TBX20: variants seen among roughly 807,000 people sequenced by gnomAD.
The protein encoded by TBX20 is T-box transcription factor TBX20.
TBX20 carries 8 observed loss-of-function variants against 42.9 expected under a neutral mutation model. That is an observed-to-expected ratio of 0.19 (90% confidence interval 0.11 to 0.34). The LOEUF (loss-of-function observed/expected upper bound fraction) is 0.34. Among genes scored for constraint, TBX20 ranks in the 10% least tolerant of loss-of-function variants. The pLI is 1.00. For synonymous variants in TBX20, 198 were observed against 222.8 expected, an observed-to-expected ratio of 0.89 and a Z score of 0.99; for missense variants, 411 against 566.0, an observed-to-expected ratio of 0.73 and a Z score of 2.78.
At chr7:35,245,168 AT>A in intron 3 of TBX20, 111 bp from the exon 4 acceptor site, 3 of 786,020 alleles carry the variant, frequency 3.8e-6, no homozygotes, top group Non-Finnish European at 4.3e-6. Flanking sequence ...TAAGTGGGAA[AT>A]TTTATTGCCC....
intron 6 of TBX20, among the ~76,000 whole-genome samples, chr7:35,225,786 A>T (rs1789759896): frequency 6.6e-6 from 1 of 152,244 alleles, no homozygotes; most frequent in Non-Finnish European, 1.5e-5. Flanking sequence ...AGAAGACCTG[A>T]CAAAAAGATT....
intron 6 of TBX20, among the ~76,000 whole-genome samples, chr7:35,212,396 G>T (rs1216123748): frequency 6.6e-6 from 1 of 152,156 alleles, no homozygotes; most frequent in Non-Finnish European, 1.5e-5. Flanking sequence ...AGTTTCAACT[G>T]ATTATCTCTT....
intron 4 of TBX20, among the ~76,000 whole-genome samples, chr7:35,243,273 C>A (rs1307809895): frequency 1.3e-5 from 2 of 152,192 alleles, no homozygotes; most frequent in East Asian, 1.9e-4. Context: ...GTGTGAGCCA[C>A]CGTGCCTGGC....
chr7:35,210,605 G>C (rs1207487403), intron 6 of TBX20, among the ~76,000 whole-genome samples: 1 of 151,968 alleles, frequency 6.6e-6, no homozygotes, highest in Non-Finnish European at 1.5e-5. Context: ...AAAGATGTAG[G>C]ACTGTATATT....
At chr7:35,232,292 T>C (rs1789881075) in intron 5 of TBX20, among the ~76,000 whole-genome samples, 1 of 152,230 alleles carries the variant, frequency 6.6e-6, no homozygotes, top group Non-Finnish European at 1.5e-5. Flanking sequence ...ATGTCCATGC[T>C]GTGGTATTCA....
chr7:35,215,174 G>A (rs1047440899), intron 6 of TBX20, among the ~76,000 whole-genome samples: 3 of 152,130 alleles, frequency 2.0e-5, no homozygotes, highest in Admixed American at 6.6e-5. Context: ...CATTACTTAC[G>A]CTAGTCTCTA....
chr7:35,203,918 A>G (rs1270892968), intron 7 of TBX20, among the ~76,000 whole-genome samples: 2 of 152,246 alleles, frequency 1.3e-5, no homozygotes, highest in Non-Finnish European at 2.9e-5. Flanking sequence ...CTCTTCCCAG[A>G]TGCAGAGGGC....
Position 35,218,652 on chromosome 7 carries a change from TATA to T in TBX20, c.890+12849_890+12851del, listed in dbSNP as rs200531702. On this transcript the variant is annotated intron_variant, in intron 6 of 7. Transcript: ENST00000408931. ...AAAGTTATTTCCATTTTTACAGGAT[TATA>T]ATATTATAATATGTTGCTCTATATT... Among the ~76,000 whole-genome samples the T allele has an allele frequency of 7.6e-3, 1,155 of 152,336 alleles. 15 individuals are homozygous for T. The highest frequency in any genetic ancestry group is 0.026 in the African/African-American group (1,066 of 41,568).
intron 7 of TBX20, among the ~76,000 whole-genome samples, chr7:35,203,152 A>G (rs1253493546): frequency 2.0e-5 from 3 of 152,200 alleles, no homozygotes; most frequent in Non-Finnish European, 4.4e-5. Flanking sequence ...AGAAATATCT[A>G]CCAAGCTGTC....
chr7:35,226,156 A>G (rs913664113), intron 6 of TBX20, among the ~76,000 whole-genome samples: 1 of 152,156 alleles, frequency 6.6e-6, no homozygotes, highest in South Asian at 2.1e-4. Context: ...ACTAAAAAGC[A>G]GTAAGATGAT....
intron 6 of TBX20, among the ~76,000 whole-genome samples, chr7:35,207,228 C>T (rs1331856992): frequency 6.6e-6 from 1 of 152,116 alleles, no homozygotes; most frequent in Non-Finnish European, 1.5e-5. Context: ...TGCTGGTATT[C>T]CATCATACTT....
rs17606844 is a variant in TBX20 at position 35,248,601 on chromosome 7, T to C, written c.545+76A>G. The C allele has an allele frequency of 0.38, 584,062 of 1,539,040 alleles. 112,957 individuals are homozygous for C. The highest frequency in any genetic ancestry group is 0.51 in the Admixed American group (30,566 of 59,880). ...CCGCTGCTTTAAAAATACACTTGCT[T>C]AAAATTCACACAAGCCAGAAACATT... On this transcript the variant is annotated intron_variant, in intron 3 of 7. Transcript: ENST00000408931.
intron 1 of TBX20, among the ~76,000 whole-genome samples, chr7:35,251,000 C>A (rs1790294904): frequency 6.6e-6 from 1 of 152,132 alleles, no homozygotes; most frequent in African/African-American, 2.4e-5. Flanking sequence ...GAAGTGAGGA[C>A]AACAACCTCA....
intron 5 of TBX20, among the ~76,000 whole-genome samples, chr7:35,239,277 G>A (rs532948073): frequency 4.6e-5 from 7 of 152,136 alleles, no homozygotes; most frequent in African/African-American, 9.6e-5. Flanking sequence ...ACACCACCTC[G>A]CTTTCAGGTG....
In TBX20 at chr7:35,245,017, G is replaced by A; in HGVS notation, c.586C>T (p.Leu196=). The A allele has an allele frequency of 6.2e-7, 1 of 1,613,792 alleles. No individual in the cohort carries two copies. The highest frequency in any genetic ancestry group is 8.5e-7 in the Non-Finnish European group (1 of 1,179,784). ...TCAAAAGACACCATCTGTTTGAGTAGTTGCTCACCGGTAAAAGGAGAATCT... is the reference window on the plus strand; with the variant it reads ...TCAAAAGACACCATCTGTTTGAGTAATTGCTCACCGGTAAAAGGAGAATCT... The part of the protein sequence containing the change: ...HPDSPFTGEQ[L]LKQMVSFEKV... Residue 196 remains leucine (L), a synonymous_variant, in exon 4 of 8, where the codon CTA becomes TTA. Coordinates refer to ENST00000408931, the MANE Select transcript of TBX20 (RefSeq NM_001077653.2).
chr7:35,212,400 A>G (rs1789511616), intron 6 of TBX20, among the ~76,000 whole-genome samples: 1 of 152,222 alleles, frequency 6.6e-6, no homozygotes, highest in South Asian at 2.1e-4. Flanking sequence ...TCAACTGATT[A>G]TCTCTTCACT....
chr7:35,247,996 G>T (rs1451453821), intron 3 of TBX20, among the ~76,000 whole-genome samples: 1 of 152,112 alleles, frequency 6.6e-6, no homozygotes, highest in Non-Finnish European at 1.5e-5. Flanking sequence ...GGTACTCCTG[G>T]AAAAACTGTA....
At chr7:35,203,632 C>T (rs1789344649) in intron 7 of TBX20, among the ~76,000 whole-genome samples, 1 of 152,210 alleles carries the variant, frequency 6.6e-6, no homozygotes, top group African/African-American at 2.4e-5. Flanking sequence ...GGTAAGGCTT[C>T]TGATCAACAG....
At chr7:35,250,818 A>G (rs904373605) in intron 1 of TBX20, among the ~76,000 whole-genome samples, 3 of 152,252 alleles carry the variant, frequency 2.0e-5, no homozygotes, top group African/African-American at 7.2e-5. Flanking sequence ...CTTTATGATG[A>G]GAGTTAGAAC....
Sources: gnomAD v4.1 joint callset for allele counts (sites outside exome capture counted in the v4.1 genomes callset) on GRCh38, gnomAD v4.1.1 for gene constraint, MANE v1.5 for transcripts, NCBI Gene and HGNC (gene_info 2026-07-23, HGNC 2026-07-21) for gene names.